PUDP: variants seen among roughly 807,000 people sequenced by gnomAD.
PUDP encodes pseudouridine 5'-phosphatase, also known as pseudouridine-5'-phosphatase.
Under a neutral mutation model 9.4 loss-of-function variants are expected in PUDP, and 8 were observed. The observed-to-expected ratio is 0.85, with a 90% CI of 0.50 to 1.53. The LOEUF (loss-of-function observed/expected upper bound fraction) is 1.53. Among genes scored for constraint, PUDP ranks in the 40% most tolerant of loss-of-function variants. The pLI is 0.00. For synonymous variants in PUDP, 99 were observed against 80.7 expected (o/e 1.23, Z -1.22); for missense variants, 188 against 189.7 (o/e 0.99, Z 0.05).
At chrX:7,041,853 G>GTC (rs1048958376) in intron 1 of PUDP, among the ~76,000 whole-genome samples, 2 of 71,405 alleles carry the variant, frequency 2.8e-5, no homozygotes, top group Non-Finnish European at 4.9e-5. Context: ...CTACTTCCCA[G>GTC]TCTCTCTCTC....
chrX:7,019,264 C>T (rs930392607), intron 1 of PUDP, among the ~76,000 whole-genome samples: 9 of 112,007 alleles, frequency 8.0e-5, no homozygotes, highest in Admixed American at 6.6e-4. Flanking sequence ...TGGATCGGGA[C>T]CCCTTTCCTG....
At chrX:7,053,310 A>G (rs932268292) in intron 3 of PUDP, among the ~76,000 whole-genome samples, 1 of 111,451 alleles carries the variant, frequency 9.0e-6, no homozygotes, top group South Asian at 3.8e-4. Flanking sequence ...GCTGTTCCCA[A>G]AGAGATAATG....
chrX:7,084,137 T>G (rs1414176883), intron 2 of PUDP, among the ~76,000 whole-genome samples: 1 of 111,423 alleles, frequency 9.0e-6, no homozygotes, highest in Non-Finnish European at 1.9e-5. Context: ...ATAGCTCATG[T>G]GCTTTCACTT....
At chrX:6,719,196 G>A (rs1924633749) in intron 1 of PUDP, among the ~76,000 whole-genome samples, 1 of 111,752 alleles carries the variant, frequency 8.9e-6, no homozygotes, top group Non-Finnish European at 1.9e-5. Flanking sequence ...GGCAAGGCTG[G>A]TTCCTCCTGA....
intron 3 of PUDP, among the ~76,000 whole-genome samples, chrX:6,739,321 A>G (rs971008391): frequency 8.9e-6 from 1 of 111,986 alleles, no homozygotes. Flanking sequence ...CCTAGAAGCC[A>G]TCAAGGACAA....
At chrX:6,927,534 A>T (rs1226917918) in intron 3 of PUDP, among the ~76,000 whole-genome samples, 1 of 112,126 alleles carries the variant, frequency 8.9e-6, no homozygotes, top group East Asian at 2.8e-4. Flanking sequence ...ACTGCATCTC[A>T]CTTTGTGGGC....
chrX:6,734,654 C>T (rs1420319166), intron 3 of PUDP, among the ~76,000 whole-genome samples: 2 of 111,407 alleles, frequency 1.8e-5, no homozygotes, highest in African/African-American at 3.3e-5. Flanking sequence ...CCCAGCTACT[C>T]AGCAGGCTGA....
intron 1 of PUDP, among the ~76,000 whole-genome samples, chrX:7,125,262 T>G (rs1932456211): frequency 9.0e-6 from 1 of 111,724 alleles, no homozygotes; most frequent in Admixed American, 9.5e-5. Flanking sequence ...TTAATCATTT[T>G]TTTTCCCATT....
intron 2 of PUDP, among the ~76,000 whole-genome samples, chrX:7,081,652 G>A (rs1231326697): frequency 8.9e-6 from 1 of 112,537 alleles, no homozygotes; most frequent in Non-Finnish European, 1.9e-5. Context: ...AAAATGCTTG[G>A]GACTCCTATG....
chrX:6,716,609 T>A (rs193084118), intron 1 of PUDP, among the ~76,000 whole-genome samples: 1 of 108,783 alleles, frequency 9.2e-6, no homozygotes, highest in East Asian at 2.8e-4. Context: ...AATTTGCTTT[T>A]CCTTTAAATA....
intron 3 of PUDP, among the ~76,000 whole-genome samples, chrX:6,971,614 C>T (rs1240104096): frequency 1.9e-5 from 2 of 105,605 alleles, no homozygotes; most frequent in Admixed American, 1.0e-4. Context: ...TCAGTAGAGA[C>T]GGGGTTTCAC....
intron 3 of PUDP, among the ~76,000 whole-genome samples, chrX:6,858,335 C>CTTTTTTTTTTTTTTTTTA (rs113300792): frequency 1.5e-5 from 1 of 67,769 alleles, no homozygotes; most frequent in Non-Finnish European, 2.8e-5. Context: ...TTTTTTTTTT[C>CTTTTTTTTTTTTTTTTTA]TTTTTTTTTT....
intron 1 of PUDP, among the ~76,000 whole-genome samples, chrX:7,108,369 T>A (rs1931946416): frequency 8.9e-6 from 1 of 112,067 alleles, no homozygotes; most frequent in South Asian, 3.7e-4. Context: ...GGGCTGAGGC[T>A]GGGCCCAGTC....
rs773365139 is a variant in PUDP, at chrX:6,839,727, A to G, written c.*248-133261T>C. On this transcript the variant is annotated intron_variant and NMD_transcript_variant, in intron 3 of 3. Transcript: ENST00000655425. ...AAACTGACAACATCAAATGCTGGTG[A>G]GGATGTGGAGCAACAGGAATGCTTA... Among the ~76,000 whole-genome samples, 94 of 111,763 alleles carry G rather than the reference A, an allele frequency of 8.4e-4. 1 individual carries two copies. The highest frequency in any genetic ancestry group is 3.0e-3 in the African/African-American group (92 of 30,791).
intron 2 of PUDP, among the ~76,000 whole-genome samples, chrX:7,105,013 T>C (rs1931838625): frequency 9.0e-6 from 1 of 111,322 alleles, no homozygotes; most frequent in Admixed American, 9.6e-5. Context: ...TCTAGAATAT[T>C]CTTGAACAAG....
At chrX:6,755,567 T>C (rs1925159951) in intron 3 of PUDP, among the ~76,000 whole-genome samples, 1 of 111,890 alleles carries the variant, frequency 8.9e-6, no homozygotes, top group African/African-American at 3.2e-5. Flanking sequence ...ATCAATAATA[T>C]ATTTCAATCT....
chrX:6,738,621 C>T (rs1435235904), intron 3 of PUDP, among the ~76,000 whole-genome samples: 1 of 111,748 alleles, frequency 8.9e-6, no homozygotes, highest in Non-Finnish European at 1.9e-5. Flanking sequence ...TCCCTAGGGA[C>T]ATTTGGCCAT....
At chrX:6,746,533 G>A (rs1287940918) in intron 3 of PUDP, among the ~76,000 whole-genome samples, 2 of 111,254 alleles carry the variant, frequency 1.8e-5, no homozygotes, top group Non-Finnish European at 3.8e-5. Flanking sequence ...AGCCCAGCAT[G>A]CGTTAGCTAT....
intron 1 of PUDP, among the ~76,000 whole-genome samples, chrX:7,002,403 G>A (rs931103738): frequency 1.8e-5 from 2 of 111,912 alleles, no homozygotes; most frequent in Non-Finnish European, 3.8e-5. Flanking sequence ...CTTGCTTCAA[G>A]ACTGGCAAAT....
Sources: gnomAD v4.1 joint callset for allele counts (sites outside exome capture counted in the v4.1 genomes callset) on GRCh38, gnomAD v4.1.1 for gene constraint, MANE v1.5 for transcripts, NCBI Gene and HGNC (gene_info 2026-07-23, HGNC 2026-07-21) for gene names.